The following CNTN4 variants were observed in gnomAD, a reference collection of about 807,000 sequenced individuals.
The protein encoded by CNTN4 is contactin-4.
CNTN4 carries 77 observed loss-of-function variants against 122.5 expected under a neutral mutation model. The ratio of observed to expected loss-of-function variants is 0.63; its 90% CI spans 0.52 to 0.76. The LOEUF is 0.76. Ranked by LOEUF, CNTN4 falls within the 30% of genes least tolerant of loss-of-function variation. The pLI is 0.00. For missense variants in CNTN4, 1,256 were observed against 1,259.1 expected (o/e 1.00, Z 0.04); for synonymous variants, 512 against 447.0 (o/e 1.15, Z -1.83).
chr3:2,629,551 G>T (rs201661371), intron 4 of CNTN4: 2 of 453,270 alleles, frequency 4.4e-6, no homozygotes, highest in Non-Finnish European at 8.9e-6. Context: ...TCTGGTCCTT[G>T]CTGGGGGTGC....
chr3:2,865,927 G>A (rs1270791602), intron 7 of CNTN4, among the ~76,000 whole-genome samples: 4 of 152,166 alleles, frequency 2.6e-5, no homozygotes, highest in South Asian at 4.1e-4. Context: ...GGATAAGGGT[G>A]TGTGAAAATG....
At chr3:2,181,093 A>G (rs2036993306) in intron 2 of CNTN4, among the ~76,000 whole-genome samples, 1 of 152,118 alleles carries the variant, frequency 6.6e-6, no homozygotes, top group African/African-American at 2.4e-5. Context: ...TTCTGCCTAA[A>G]GTGAACTTGC....
At chr3:2,880,156 T>A (rs932366844) in intron 8 of CNTN4, among the ~76,000 whole-genome samples, 1 of 152,224 alleles carries the variant, frequency 6.6e-6, no homozygotes, top group Non-Finnish European at 1.5e-5. Flanking sequence ...TGCTCCTTGG[T>A]GGAATTTTCA....
At chr3:2,314,159 A>T (rs1487575790) in intron 2 of CNTN4, among the ~76,000 whole-genome samples, 3 of 152,132 alleles carry the variant, frequency 2.0e-5, no homozygotes, top group Middle Eastern at 3.4e-3. Flanking sequence ...TCCAATTCTT[A>T]TGTGACAGAA....
chr3:2,536,370 C>T (rs1449677579), intron 3 of CNTN4, among the ~76,000 whole-genome samples: 2 of 152,124 alleles, frequency 1.3e-5, no homozygotes, highest in Non-Finnish European at 2.9e-5. Flanking sequence ...TGTATCTCCC[C>T]AGTGACTGGT....
intron 13 of CNTN4, among the ~76,000 whole-genome samples, chr3:2,976,528 C>T (rs1469100717): frequency 2.0e-5 from 3 of 152,236 alleles, no homozygotes; most frequent in East Asian, 3.9e-4. Context: ...AGAGACTACA[C>T]GGAAAGGTCA....
intron 6 of CNTN4, among the ~76,000 whole-genome samples, chr3:2,775,380 C>A (rs929089199): frequency 1.3e-5 from 2 of 152,094 alleles, no homozygotes; most frequent in East Asian, 1.9e-4. Context: ...GTCTGACCAC[C>A]CTCTAGGAAG....
chr3:2,342,477 G>A (rs758626136), intron 3 of CNTN4, among the ~76,000 whole-genome samples: 7 of 152,188 alleles, frequency 4.6e-5, no homozygotes, highest in Non-Finnish European at 8.8e-5. Flanking sequence ...ATGATTCCAT[G>A]TTGATATGGT....
chr3:2,493,149 TAGAG>T (rs1255467189), intron 3 of CNTN4, among the ~76,000 whole-genome samples: 1 of 152,174 alleles, frequency 6.6e-6, no homozygotes, highest in Non-Finnish European at 1.5e-5. Flanking sequence ...GAAGATAATA[TAGAG>T]AGTGTGTCAT....
chr3:3,030,583 T>C (rs1356390628), intron 15 of CNTN4, among the ~76,000 whole-genome samples: 5 of 152,206 alleles, frequency 3.3e-5, no homozygotes, highest in Non-Finnish European at 5.9e-5. Context: ...TTATGTAGCA[T>C]GTAACTTACG....
At chr3:2,487,104 G>T (rs909444028) in intron 3 of CNTN4, among the ~76,000 whole-genome samples, 1 of 152,066 alleles carries the variant, frequency 6.6e-6, no homozygotes, top group Non-Finnish European at 1.5e-5. Flanking sequence ...TCCACAAAGG[G>T]CAGTTTGTAA....
chr3:2,313,463 A>C (rs1173763021), intron 2 of CNTN4, among the ~76,000 whole-genome samples: 1 of 152,054 alleles, frequency 6.6e-6, no homozygotes, highest in Non-Finnish European at 1.5e-5. Flanking sequence ...ACTTTAAATT[A>C]TTAACAGATA....
Position 3,055,522 on chromosome 3 carries a change from A to G in CNTN4, c.2981-598A>G, listed in dbSNP as rs1188741568. ...CCCGAATGACAGTTGATAGCTTCTT[A>G]CTATGAAAAGTGTAAGACCCATAAG... On this transcript the variant is annotated intron_variant, in intron 24 of 24. Transcript: ENST00000418658. Among the ~76,000 whole-genome samples, 3 of 152,330 alleles carry G rather than the reference A, an allele frequency of 2.0e-5. No homozygotes were observed. The East Asian group carries it at 5.8e-4, about 29-fold the overall frequency.
chr3:2,430,438 A>T (rs1351815060), intron 3 of CNTN4, among the ~76,000 whole-genome samples: 1 of 151,266 alleles, frequency 6.6e-6, no homozygotes, highest in Non-Finnish European at 1.5e-5. Context: ...AAAAAAAAAA[A>T]AAAGGAAATG....
At chr3:2,351,542 G>GTATGA (rs1183296166) in intron 3 of CNTN4, among the ~76,000 whole-genome samples, 1 of 152,158 alleles carries the variant, frequency 6.6e-6, no homozygotes, top group East Asian at 1.9e-4. Context: ...AAGTAAATAT[G>GTATGA]TATGATCTCA....
At chr3:2,451,553 C>T (rs2048829844) in intron 3 of CNTN4, among the ~76,000 whole-genome samples, 1 of 150,812 alleles carries the variant, frequency 6.6e-6, no homozygotes, top group African/African-American at 2.4e-5. Flanking sequence ...ATTTATTCAC[C>T]AATATTAAGG....
intron 6 of CNTN4, among the ~76,000 whole-genome samples, chr3:2,796,972 T>A (rs969968981): frequency 6.6e-5 from 10 of 152,098 alleles, no homozygotes; most frequent in African/African-American, 2.4e-4. Flanking sequence ...CCCAAACTGG[T>A]GAATTCTGCT....
chr3:2,943,632 T>TATA lies in CNTN4; in HGVS notation c.1358+17853_1358+17854insATA, dbSNP rs59719192. Among the ~76,000 whole-genome samples the TATA allele has an allele frequency of 7.3e-3, 702 of 96,102 alleles. 5 individuals carry two copies. Among genetic ancestry groups the TATA allele is most frequent in the African/African-American group, 0.029 (664 of 22,644 alleles). The allele number at this position is 96,102 out of a possible 152,430, so 63.0% of individuals were successfully genotyped here. ...TATATTTATATATATATATATATAT[T>TATA]TTTTTTTTTTGAGACGGAGTCTTGC... is the stretch of plus-strand genomic sequence containing the variant. On this transcript the variant is annotated intron_variant, in intron 13 of 24. Transcript: ENST00000418658.
chr3:2,839,159 C>A (rs2093296767), intron 7 of CNTN4, among the ~76,000 whole-genome samples: 1 of 152,038 alleles, frequency 6.6e-6, no homozygotes. Context: ...GAAATAGAGG[C>A]CAATTATTTT....
Sources: gnomAD v4.1 joint callset for allele counts (sites outside exome capture counted in the v4.1 genomes callset) on GRCh38, gnomAD v4.1.1 for gene constraint, MANE v1.5 for transcripts, NCBI Gene and HGNC (gene_info 2026-07-23, HGNC 2026-07-21) for gene names.